Variants in TCOF1 observed in about 807,000 individuals in gnomAD.
TCOF1 encodes treacle ribosome biogenesis factor 1.
TCOF1 carries 33 observed loss-of-function variants against 149.0 expected under a neutral mutation model. The ratio of observed to expected loss-of-function variants is 0.22; its 90% CI spans 0.17 to 0.30. TCOF1 has a LOEUF of 0.30. TCOF1 is among the 10% of genes least tolerant of loss of function. TCOF1 has a pLI of 1.00. For missense variants in TCOF1, 1,728 were observed against 1,840.7 expected (o/e 0.94, Z 1.12); for synonymous variants, 789 against 738.8 (o/e 1.07, Z -1.10).
intron 15 of TCOF1, 57 bp downstream of exon 15, chr5:150,379,099 A>T: frequency 6.2e-7 from 1 of 1,613,854 alleles, no homozygotes; most frequent in Non-Finnish European, 8.5e-7. Flanking sequence ...GAGGAGGACC[A>T]GTCACTGAGC....
At chr5:150,378,775 A>G in intron 14 of TCOF1, 130 bp from the exon 15 acceptor site, 1 of 1,311,092 alleles carries the variant, frequency 7.6e-7, no homozygotes, top group Non-Finnish European at 1.1e-6. Flanking sequence ...TGATGAGCTC[A>G]GGTTCACACG....
chr5:150,389,816 G>A (rs1245613272), intron 18 of TCOF1, 71 bp from the exon 19 acceptor site: 3 of 1,612,390 alleles, frequency 1.9e-6, no homozygotes, highest in Non-Finnish European at 2.5e-6. Context: ...CGGTAAATTG[G>A]GTTATTGCCG....
Position 150,396,277 on chromosome 5 carries a change from C to T in TCOF1, c.3785-5C>T. On this transcript the variant is annotated splice_region_variant and splice_polypyrimidine_tract_variant and intron_variant, in intron 23 of 26. Coordinates refer to ENST00000643257, the MANE Select transcript of TCOF1 (RefSeq NM_001371623.1). ...GATCTGTGACCCCACATTCTCTCTC[C>T]ATAGGTGGAAAAGAGGCTGCTTCAG... 1 of 1,614,052 alleles carries T rather than the reference C, an allele frequency of 6.2e-7. No homozygotes were observed. The highest frequency in any genetic ancestry group is 1.6e-4 in the Middle Eastern group (1 of 6,062).
intron 1 of TCOF1, among the ~76,000 whole-genome samples, chr5:150,358,483 T>C (rs1434932670): frequency 1.3e-5 from 2 of 152,074 alleles, no homozygotes; most frequent in Admixed American, 6.5e-5. Context: ...TCTAGTAAGG[T>C]AGACAAATCA....
intron 6 of TCOF1, among the ~76,000 whole-genome samples, chr5:150,369,849 G>A (rs1053969532): frequency 1.3e-5 from 2 of 152,132 alleles, no homozygotes; most frequent in Non-Finnish European, 2.9e-5. Flanking sequence ...GACTAGACAA[G>A]CCTTCCTGGG....
chr5:150,386,921 T>G (rs913380198), intron 17 of TCOF1, among the ~76,000 whole-genome samples: 37 of 152,348 alleles, frequency 2.4e-4, no homozygotes, highest in African/African-American at 7.9e-4. Flanking sequence ...TGCTTTTTCT[T>G]TTATTGTTTC....
rs1763523992 is a variant in TCOF1, at chr5:150,375,382, C to G, written c.1532C>G (p.Thr511Ser). ...AGCCCCCAGGTGAAACCTGCCTCTA[C>G]CATGGGCATGGGGCCCTTGGGGAAA... ...GKSPQVKPAS[T>S]MGMGPLGKGA... The change falls in exon 11 of 27, where the codon ACC becomes AGC. Residue 511 changes from threonine to serine, a missense_variant. Transcript: ENST00000643257. The G allele has an allele frequency of 6.2e-7, 1 of 1,612,566 alleles. No homozygotes were observed. The highest frequency in any genetic ancestry group is 2.2e-5 in the East Asian group (1 of 44,860).
chr5:150,372,232 G>A lies in TCOF1; in HGVS notation c.866G>A (p.Ser289Asn), dbSNP rs188279654. ...SEEEAPAGTR[S>N]QVKASEKILQ... The stretch of plus-strand genomic sequence containing the variant: ...GAGGAGGCCCCTGCAGGGACACGAA[G>A]CCAGGTGAGGCCTGGAGGAGGGCTG... The change falls in exon 7 of 27, where the codon AGC (serine) becomes AAC (asparagine). Residue 289 changes from serine to asparagine, a missense_variant. Transcript: ENST00000643257. 4.5e-5 allele frequency: 73 copies of A among 1,607,986 alleles called. No individual in the cohort carries two copies. The African/African-American group carries it at 8.9e-4, about 20-fold the overall frequency.
chr5:150,390,672 T>TG (rs1767234115), intron 19 of TCOF1, among the ~76,000 whole-genome samples: 1 of 92,630 alleles, frequency 1.1e-5, no homozygotes, highest in Admixed American at 1.2e-4. Flanking sequence ...AAGGGGGTGT[T>TG]GGGGGGCGGT....
rs114898470 is a variant in TCOF1 at position 150,363,121 on chromosome 5, C to T, written c.165-992C>T. On this transcript the variant is annotated intron_variant, in intron 2 of 26. Coordinates refer to ENST00000643257, the MANE Select transcript of TCOF1 (RefSeq NM_001371623.1). ...TGGAGGCTCCCCGACTTCCTGCACC[C>T]GCCTCAGTATTTATTAAGCATCTAC... 2.6e-3 allele frequency among the ~76,000 whole-genome samples: 396 copies of T among 152,250 alleles called. 5 individuals carry two copies. The highest frequency in any genetic ancestry group is 9.2e-3 in the African/African-American group (381 of 41,520).
At chr5:150,369,673 T>C in intron 6 of TCOF1, 71 bp downstream of exon 6, 3 of 1,527,350 alleles carry the variant, frequency 2.0e-6, no homozygotes, top group Non-Finnish European at 2.7e-6. Flanking sequence ...GTCTGGGGCT[T>C]CAGACACCAG....
At chr5:150,389,625 C>T (rs538828959) in intron 18 of TCOF1, among the ~76,000 whole-genome samples, 4 of 152,206 alleles carry the variant, frequency 2.6e-5, no homozygotes, top group South Asian at 2.1e-4. Context: ...AGTGGCAGCC[C>T]GACCAGTTGG....
intron 6 of TCOF1, among the ~76,000 whole-genome samples, chr5:150,371,630 G>A (rs1299580952): frequency 1.3e-5 from 2 of 152,180 alleles, no homozygotes; most frequent in Non-Finnish European, 1.5e-5. Flanking sequence ...GAGGGCTGCT[G>A]TGATCAGATA....
intron 17 of TCOF1, among the ~76,000 whole-genome samples, chr5:150,381,906 T>C (rs1362990112): frequency 6.6e-6 from 1 of 152,114 alleles, no homozygotes; most frequent in East Asian, 1.9e-4. Context: ...CCTAAAGTGC[T>C]GGGGGCAGGC....
intron 14 of TCOF1, among the ~76,000 whole-genome samples, chr5:150,377,789 A>G (rs924440980): frequency 3.3e-5 from 5 of 152,052 alleles, no homozygotes; most frequent in Admixed American, 1.3e-4. Context: ...TTCCCTTCTG[A>G]GCCTCCCACC....
intron 6 of TCOF1, among the ~76,000 whole-genome samples, chr5:150,370,841 G>A (rs1304989244): frequency 1.3e-5 from 2 of 152,138 alleles, no homozygotes; most frequent in Non-Finnish European, 2.9e-5. Context: ...AAATTATGGG[G>A]AAAGTGACAC....
At position 150,379,629 on chromosome 5, in the gene TCOF1, C is replaced by G. The variant is rs1204109139; in HGVS notation, c.2756C>G (p.Thr919Arg). ...GCTGCCCCAACACCTCCTGGGAAGA[C>G]AGGGCCTTCGGCTGCCCAGGCAGGG... is the stretch of plus-strand genomic sequence containing the variant. ...KGAAPTPPGK[T>R]GPSAAQAGKQ... Residue 919 changes from threonine to arginine, a missense_variant, in exon 17 of 27, where the codon ACA becomes AGA. By Grantham distance (71) the Thr-to-Arg change is moderately conservative. Around this residue, in one of 2 missense-constraint regions of TCOF1, gnomAD observed 1,696 missense variants for 1,765.4 expected, o/e 0.96. Coordinates refer to ENST00000643257, the MANE Select transcript of TCOF1 (RefSeq NM_001371623.1). The G allele has an allele frequency of 6.2e-7, 1 of 1,614,190 alleles. No individual in the cohort carries two copies. Among genetic ancestry groups the G allele is most frequent in the Admixed American group, 1.7e-5 (1 of 60,032 alleles).
At chr5:150,383,044 C>T in intron 17 of TCOF1, 1 of 1,527,710 alleles carries the variant, frequency 6.5e-7, no homozygotes, top group Non-Finnish European at 8.8e-7. Flanking sequence ...CGTGCTTATC[C>T]AGGTCTTGTC....
rs1471030233 is a variant in TCOF1 at position 150,368,772 on chromosome 5, G to A, written c.435G>A (p.Gly145=). 4 of 1,614,008 alleles carry A rather than the reference G, an allele frequency of 2.5e-6. No individual in the cohort carries two copies. The highest frequency in any genetic ancestry group is 3.4e-6 in the Non-Finnish European group (4 of 1,180,038). The change falls in exon 5 of 27, where the codon GGG becomes GGA. Residue 145 remains glycine, a synonymous_variant. Transcript: ENST00000643257. ...ATTCCATGCCACACCCTGCCACTGG[G>A]AAGACGGTGGCCAACCTTCTTTCTG... ...TGNSMPHPAT[G]KTVANLLSGK...
Sources: allele counts gnomAD v4.1 joint callset (sites outside exome capture counted in the v4.1 genomes callset), GRCh38; gene constraint gnomAD v4.1.1; regional missense constraint gnomAD v4.1.1; transcripts MANE v1.5; gene names NCBI Gene and HGNC (gene_info 2026-07-23, HGNC 2026-07-21).